The following LINGO2 variants were observed in gnomAD, a reference collection of about 807,000 sequenced individuals.
LINGO2 encodes the protein leucine rich repeat and Ig domain containing 2, also known as leucine-rich repeat and immunoglobulin-like domain-containing nogo receptor-interacting protein 2.
A neutral mutation model predicts 30.6 loss-of-function variants in LINGO2; 14 were observed. The ratio of observed to expected loss-of-function variants is 0.46; its 90% CI spans 0.30 to 0.72. The LOEUF is 0.72. Ranked by LOEUF, LINGO2 falls within the 30% of genes least tolerant of loss-of-function variation. The probability of loss-of-function intolerance (pLI) is 0.07; values close to 1 mark genes in which losing one functional copy is unlikely to be tolerated. For missense variants in LINGO2, 729 were observed against 751.7 expected (o/e 0.97, Z 0.35); for synonymous variants, 317 against 288.5 (o/e 1.10, Z -1.00).
rs180905835 is a variant in LINGO2, at chr9:28,144,344, G to T, written c.-86-131939C>A. On this transcript the variant is annotated intron_variant, in intron 4 of 5. Coordinates refer to ENST00000379992, the Ensembl canonical transcript of LINGO2. Reference sequence around the variant, plus strand: ...CTAGCTACAAACTACAATCCCTTAGGATTCTTGTTAAAAATACAAATTACC... The same window carrying T: ...CTAGCTACAAACTACAATCCCTTAGTATTCTTGTTAAAAATACAAATTACC... Among the ~76,000 whole-genome samples, 66 of 152,142 alleles carry T rather than the reference G, an allele frequency of 4.3e-4. 1 individual carries two copies. Among genetic ancestry groups the T allele is most frequent in the African/African-American group, 1.6e-3 (65 of 41,504 alleles).
the LINGO2 span, among the ~76,000 whole-genome samples, chr9:29,208,748 C>T: frequency 6.6e-6 from 1 of 152,098 alleles, no homozygotes; most frequent in African/African-American, 2.4e-5. Flanking sequence ...GAAATCAACA[C>T]TGAGCCTTAG....
chr9:28,867,154 C>G, the LINGO2 span, among the ~76,000 whole-genome samples: 379 of 152,224 alleles, frequency 2.5e-3, 4 homozygotes, highest in Admixed American at 8.6e-3. Context: ...ATGACAAATG[C>G]TGCTGGTAAA....
chr9:29,077,723 G>T, the LINGO2 span, among the ~76,000 whole-genome samples: 1 of 151,904 alleles, frequency 6.6e-6, no homozygotes, highest in African/African-American at 2.4e-5. Context: ...CATGAGCAGG[G>T]CTTTTAAGAG....
chr9:28,192,183 T>A (rs1819845605), intron 4 of LINGO2, among the ~76,000 whole-genome samples: 1 of 152,070 alleles, frequency 6.6e-6, no homozygotes, highest in Non-Finnish European at 1.5e-5. Context: ...ACCTGCATCA[T>A]CTCTCAAATG....
rs559360739 is a variant in LINGO2 at position 28,055,335 on chromosome 9, G to A, written c.-86-42930C>T. Among the ~76,000 whole-genome samples, 68 of 152,230 alleles carry A rather than the reference G, an allele frequency of 4.5e-4. 1 individual carries two copies. The highest frequency in any genetic ancestry group is 1.6e-3 in the African/African-American group (66 of 41,566). ...ATTTCTTGATAGAACAGGTACAGGTGGATGGAAAAGGGCTGCTCAAATAAA... is the reference window on the plus strand; with the variant it reads ...ATTTCTTGATAGAACAGGTACAGGTAGATGGAAAAGGGCTGCTCAAATAAA... On this transcript the variant is annotated intron_variant, in intron 4 of 5. Transcript: ENST00000379992.
At chr9:28,924,088 C>T in the LINGO2 span, among the ~76,000 whole-genome samples, 1 of 152,198 alleles carries the variant, frequency 6.6e-6, no homozygotes. Context: ...TGGAATTGCA[C>T]TTTGAATACA....
chr9:28,294,803 T>C (rs1380885569), intron 4 of LINGO2, among the ~76,000 whole-genome samples: 2 of 152,202 alleles, frequency 1.3e-5, no homozygotes, highest in Non-Finnish European at 2.9e-5. Flanking sequence ...GAAGCACATT[T>C]ATAAGATCAT....
intron 1 of LINGO2, among the ~76,000 whole-genome samples, chr9:28,660,859 G>A (rs929136878): frequency 7.9e-5 from 12 of 152,056 alleles, no homozygotes; most frequent in African/African-American, 4.8e-5. Context: ...TGTATCTCTG[G>A]TCTGATGCTA....
intron 4 of LINGO2, among the ~76,000 whole-genome samples, chr9:28,023,130 G>C (rs1230443123): frequency 6.6e-6 from 1 of 152,008 alleles, no homozygotes; most frequent in Non-Finnish European, 1.5e-5. Context: ...TTCCTTATCT[G>C]ATAATTTGAA....
chr9:29,008,556 G>A, the LINGO2 span, among the ~76,000 whole-genome samples: 1 of 152,162 alleles, frequency 6.6e-6, no homozygotes, highest in Non-Finnish European at 1.5e-5. Context: ...ATGTAAAAGT[G>A]TTCCTATTTC....
At chr9:28,630,578 C>T (rs370675437) in intron 1 of LINGO2, among the ~76,000 whole-genome samples, 1 of 152,058 alleles carries the variant, frequency 6.6e-6, no homozygotes, top group Non-Finnish European at 1.5e-5. Context: ...TAGTATCTAT[C>T]AGACTAACAA....
the LINGO2 span, among the ~76,000 whole-genome samples, chr9:28,721,253 A>G: frequency 6.6e-6 from 1 of 152,134 alleles, no homozygotes; most frequent in Non-Finnish European, 1.5e-5. Context: ...CAGTGTGGCA[A>G]TTCCTCAAGG....
At chr9:29,108,228 A>G in the LINGO2 span, among the ~76,000 whole-genome samples, 1 of 152,188 alleles carries the variant, frequency 6.6e-6, no homozygotes, top group African/African-American at 2.4e-5. Context: ...TAATCTTGAC[A>G]TAATATAAAC....
At chr9:28,418,318 G>A (rs990911412) in intron 2 of LINGO2, among the ~76,000 whole-genome samples, 2 of 132,412 alleles carry the variant, frequency 1.5e-5, no homozygotes, top group Non-Finnish European at 3.1e-5. Flanking sequence ...TCGCTCTGTA[G>A]CCCAGGCTGG....
intron 1 of LINGO2, among the ~76,000 whole-genome samples, chr9:28,596,921 C>T (rs532246467): frequency 1.3e-5 from 2 of 152,176 alleles, no homozygotes; most frequent in African/African-American, 4.8e-5. Context: ...GGCTCCAGTG[C>T]GGGTCCCCTG....
At chr9:28,797,290 G>A in the LINGO2 span, among the ~76,000 whole-genome samples, 1 of 120,226 alleles carries the variant, frequency 8.3e-6, no homozygotes, top group Non-Finnish European at 1.8e-5. Flanking sequence ...GAATATATAT[G>A]CATATATATA....
chr9:28,403,277 G>A (rs1250827438), intron 2 of LINGO2, among the ~76,000 whole-genome samples: 1 of 152,138 alleles, frequency 6.6e-6, no homozygotes, highest in East Asian at 1.9e-4. Flanking sequence ...AGAGGTTCCT[G>A]TAGGAGATGA....
At chr9:28,724,525 G>T in the LINGO2 span, among the ~76,000 whole-genome samples, 11 of 152,130 alleles carry the variant, frequency 7.2e-5, no homozygotes, top group African/African-American at 2.4e-4. Context: ...ATTCCCTTGG[G>T]GTAAACCAAG....
intron 4 of LINGO2, among the ~76,000 whole-genome samples, chr9:28,097,832 T>C (rs1332570589): frequency 2.0e-5 from 3 of 148,762 alleles, no homozygotes; most frequent in Non-Finnish European, 4.4e-5. Flanking sequence ...ACTTAAAATA[T>C]AATAATAATG....
Sources: gnomAD v4.1 joint callset for allele counts (sites outside exome capture counted in the v4.1 genomes callset) on GRCh38, gnomAD v4.1.1 for gene constraint, MANE v1.5 for transcripts, NCBI Gene and HGNC (gene_info 2026-07-23, HGNC 2026-07-21) for gene names.